The following NEDD4 variants were observed in gnomAD, a reference collection of about 807,000 sequenced individuals.
NEDD4 encodes E3 ubiquitin-protein ligase NEDD4.
In NEDD4, 99 loss-of-function variants were observed where a neutral mutation model predicts 144.9. The ratio of observed to expected loss-of-function variants is 0.68; its 90% CI spans 0.58 to 0.81. NEDD4 has a LOEUF of 0.81. NEDD4 is among the 30% of genes least tolerant of loss of function. The pLI is 0.00. For synonymous variants in NEDD4, 318 were observed against 350.6 expected, an observed-to-expected ratio of 0.91 and a Z score of 1.04; for missense variants, 985 against 1,065.9, an observed-to-expected ratio of 0.92 and a Z score of 1.06.
intron 5 of NEDD4, among the ~76,000 whole-genome samples, chr15:55,903,170 T>C (rs1162646759): frequency 2.0e-5 from 3 of 152,220 alleles, no homozygotes; most frequent in African/African-American, 4.8e-5. Flanking sequence ...CATTAGATTG[T>C]AGTCAGCCCA....
In NEDD4 at chr15:55,856,161, A is replaced by G. The variant is rs772844670; in HGVS notation, c.996T>C (p.Tyr332=). ...GAAGTGTAGGTTGTTCCTCAAAAGTATAGGCTTGTAAGCTGCCTCTTCTGC... is the reference window on the plus strand; with the variant it reads ...GAAGTGTAGGTTGTTCCTCAAAAGTGTAGGCTTGTAAGCTGCCTCTTCTGC... ...HSSRRGSLQA[Y]TFEEQPTLPV... The change falls in exon 12 of 29, where the codon TAT becomes TAC. Residue 332 remains tyrosine (Y), a synonymous_variant. Transcript: ENST00000435532. 6.2e-7 allele frequency: 1 copy of G among 1,613,018 alleles called. No individual in the cohort carries two copies. The highest frequency in any genetic ancestry group is 1.1e-5 in the South Asian group (1 of 90,732).
Position 55,872,494 on chromosome 15 carries a change from G to A in NEDD4, c.343-18C>T. 1 of 1,271,448 alleles carries A rather than the reference G, an allele frequency of 7.9e-7. No individual in the cohort carries two copies. The highest frequency in any genetic ancestry group is 1.5e-5 in the African/African-American group (1 of 65,118). The allele number at this position is 1,271,448 out of a possible 1,614,324, so 78.8% of individuals were successfully genotyped here. A position where few individuals can be genotyped will look rare whatever the true frequency, so the allele number is the denominator to read the frequency against. ...TTTTCTGTCTAGAATAAAATAGTGG[G>A]TTTTCAAAATATATCTATAACACCA... On this transcript the variant is annotated intron_variant, in intron 6 of 28. Transcript: ENST00000435532.
rs1308851183 is a variant in NEDD4, at chr15:55,840,625, A to T, written c.1941T>A (p.Tyr647Ter). 6.2e-7 allele frequency: 1 copy of T among 1,614,128 alleles called. No homozygotes were observed. The highest frequency in any genetic ancestry group is 8.5e-7 in the Non-Finnish European group (1 of 1,180,002). ...ACTAACCATCCAACAGTTTGCCATG[A>T]TAAACTGCCATTCCAGCTACCCGAC... ...FIGRVAGMAVYHGKLLDGFFI... is the reference protein window; with the variant it reads ...FIGRVAGMAV Residue 647 changes from tyrosine to a stop codon, truncating the protein, a stop_gained, in exon 20 of 29, where the codon TAT (tyrosine) becomes TAA (stop). Coordinates refer to ENST00000435532, the MANE Select transcript of NEDD4 (RefSeq NM_006154.4). LOFTEE classifies it high-confidence loss of function.
At chr15:55,962,856 A>G (rs1277762127) in intron 2 of NEDD4, among the ~76,000 whole-genome samples, 1 of 148,900 alleles carries the variant, frequency 6.7e-6, no homozygotes, top group Non-Finnish European at 1.5e-5. Flanking sequence ...GTGTGATCTC[A>G]GCTCACTGCA....
chr15:55,877,845 TA>T (rs2142080977), intron 5 of NEDD4, among the ~76,000 whole-genome samples: 1 of 152,320 alleles, frequency 6.6e-6, no homozygotes, highest in African/African-American at 2.4e-5. Flanking sequence ...TATTGTTACT[TA>T]TTTTTTTACT....
chr15:55,845,426 C>G (rs1344692178), intron 18 of NEDD4, among the ~76,000 whole-genome samples: 3 of 152,136 alleles, frequency 2.0e-5, no homozygotes, highest in Admixed American at 2.0e-4. Flanking sequence ...CCCTTCCTTA[C>G]AGAGTTATTG....
intron 5 of NEDD4, among the ~76,000 whole-genome samples, chr15:55,893,713 T>C (rs1471346281): frequency 1.3e-5 from 2 of 150,758 alleles, no homozygotes; most frequent in Admixed American, 6.7e-5. Flanking sequence ...TAAGAAACCA[T>C]ATTTTTCTGC....
At chr15:55,976,550 C>T (rs2037702139) in intron 1 of NEDD4, among the ~76,000 whole-genome samples, 2 of 151,842 alleles carry the variant, frequency 1.3e-5, no homozygotes, top group African/African-American at 2.4e-5. Context: ...TAAAATGGCT[C>T]TTATCCAAAA....
chr15:55,894,670 T>A lies in NEDD4; in HGVS notation c.292-20662A>T, dbSNP rs73416241. 5.3e-3 allele frequency among the ~76,000 whole-genome samples: 813 copies of A among 152,330 alleles called. 5 individuals are homozygous for A. The highest frequency in any genetic ancestry group is 0.02 in the Middle Eastern group (6 of 294). On this transcript the variant is annotated intron_variant, in intron 5 of 28. Coordinates refer to ENST00000435532, the MANE Select transcript of NEDD4 (RefSeq NM_006154.4). ...TTTCTTTGGAGTTCTTACTTTCTAA[T>A]TATCACAGACTTGTGAAAACAGATG...
At chr15:55,966,387 T>G in intron 2 of NEDD4, 86 bp downstream of exon 2, 1 of 784,894 alleles carries the variant, frequency 1.3e-6, no homozygotes, top group East Asian at 2.9e-5. Flanking sequence ...ACTAATACTA[T>G]TTGATTTCTA....
At chr15:55,963,824 T>A (rs1355579180) in intron 2 of NEDD4, among the ~76,000 whole-genome samples, 1 of 152,244 alleles carries the variant, frequency 6.6e-6, no homozygotes, top group African/African-American at 2.4e-5. Flanking sequence ...CTGCCAATGA[T>A]GAATTATCTA....
intron 4 of NEDD4, among the ~76,000 whole-genome samples, chr15:55,943,823 C>T (rs746165007): frequency 4.6e-5 from 7 of 152,104 alleles, no homozygotes; most frequent in African/African-American, 9.7e-5. Flanking sequence ...ATTGACTAAC[C>T]GCTTGCACTG....
chr15:55,965,653 GGTATGTATGTAT>G (rs71110357), intron 2 of NEDD4, among the ~76,000 whole-genome samples: 76 of 150,192 alleles, frequency 5.1e-4, no homozygotes, highest in Admixed American at 2.9e-3. Flanking sequence ...AATACTATTT[GGTATGTATGTAT>G]GTATGTATGT....
At chr15:55,929,937 G>A (rs1028987481) in intron 4 of NEDD4, among the ~76,000 whole-genome samples, 1 of 152,032 alleles carries the variant, frequency 6.6e-6, no homozygotes, top group Non-Finnish European at 1.5e-5. Context: ...AATGAAAAAC[G>A]ACTGTTGAAT....
chr15:55,957,733 C>T (rs1381324362), intron 2 of NEDD4, among the ~76,000 whole-genome samples: 1 of 152,076 alleles, frequency 6.6e-6, no homozygotes, highest in Non-Finnish European at 1.5e-5. Context: ...AAATGTCCAT[C>T]AATGATAGAC....
Position 55,860,757 on chromosome 15 carries a change from C to G in NEDD4, c.696G>C (p.Glu232Asp). 1.2e-6 allele frequency: 2 copies of G among 1,614,098 alleles called. No homozygotes were observed. The highest frequency in any genetic ancestry group is 1.7e-6 in the Non-Finnish European group (2 of 1,179,984). Reference protein sequence around the residue: ...PTPQDNLTDAENGNIQLQAQR... With the variant: ...PTPQDNLTDADNGNIQLQAQR... ...GTGCTTGCAGTTGAATGTTGCCATTCTCAGCATCTGTTAGGTTGTCCCTAT... is the reference window on the plus strand; with the variant it reads ...GTGCTTGCAGTTGAATGTTGCCATTGTCAGCATCTGTTAGGTTGTCCCTAT... Residue 232 changes from glutamate (E) to aspartate (D), a missense_variant, in exon 10 of 29, where the codon GAG (glutamate) becomes GAC (aspartate). By Grantham distance (45) the Glu-to-Asp change is conservative. Transcript: ENST00000435532.
At chr15:55,845,918 C>T (rs569916477) in intron 18 of NEDD4, among the ~76,000 whole-genome samples, 44 of 151,390 alleles carry the variant, frequency 2.9e-4, no homozygotes, top group Non-Finnish European at 5.9e-4. Context: ...CCGGAGTAGC[C>T]GGGATTAAAG....
At chr15:55,957,600 G>C (rs976785172) in intron 2 of NEDD4, among the ~76,000 whole-genome samples, 2 of 152,128 alleles carry the variant, frequency 1.3e-5, no homozygotes, top group Admixed American at 6.5e-5. Flanking sequence ...AATACCATTT[G>C]ACCCAGCGAT....
intron 5 of NEDD4, among the ~76,000 whole-genome samples, chr15:55,918,020 C>G (rs2036495257): frequency 6.6e-6 from 1 of 152,054 alleles, no homozygotes; most frequent in Non-Finnish European, 1.5e-5. Context: ...TTTGCTGGCC[C>G]CTGCTGGTAC....
Sources: gnomAD v4.1 joint callset for allele counts (sites outside exome capture counted in the v4.1 genomes callset) on GRCh38, gnomAD v4.1.1 for gene constraint, MANE v1.5 for transcripts, NCBI Gene and HGNC (gene_info 2026-07-23, HGNC 2026-07-21) for gene names.